Variants in CPT1A observed in about 807,000 individuals in gnomAD.
CPT1A encodes carnitine palmitoyltransferase 1A.
CPT1A carries 64 observed loss-of-function variants against 100.8 expected under a neutral mutation model. That is an observed-to-expected ratio of 0.63 (90% CI 0.52 to 0.78). The LOEUF is 0.78. Ranked by LOEUF, CPT1A falls within the 30% of genes least tolerant of loss-of-function variation. The pLI is 0.00. For synonymous variants in CPT1A, 363 were observed against 396.0 expected (o/e 0.92, Z 0.99); for missense variants, 802 against 1,034.1 (o/e 0.78, Z 3.08).
At chr11:68,771,905 A>C (rs1402832228) in intron 14 of CPT1A, among the ~76,000 whole-genome samples, 7 of 152,192 alleles carry the variant, frequency 4.6e-5, no homozygotes, top group African/African-American at 1.7e-4. Flanking sequence ...GGGACTTGTA[A>C]ATTTTTAAAA....
intron 7 of CPT1A, among the ~76,000 whole-genome samples, chr11:68,795,478 A>G (rs1488749756): frequency 6.6e-6 from 1 of 152,220 alleles, no homozygotes; most frequent in East Asian, 1.9e-4. Flanking sequence ...TCAGATAAAT[A>G]GCTCACTTCC....
At chr11:68,780,311 C>T (rs1855269444) in intron 12 of CPT1A, among the ~76,000 whole-genome samples, 1 of 152,184 alleles carries the variant, frequency 6.6e-6, no homozygotes, top group African/African-American at 2.4e-5. Context: ...GAGACAGAGT[C>T]TCGCTCTGTC....
intron 1 of CPT1A, among the ~76,000 whole-genome samples, chr11:68,824,901 C>A (rs1300885502): frequency 1.3e-5 from 2 of 149,088 alleles, no homozygotes. Context: ...CGGGTTCAAG[C>A]AATTCTCCTG....
In CPT1A at chr11:68,770,059, CA is replaced by C. The variant is rs11423981; in HGVS notation, c.1740+3205del. 8.5e-4 allele frequency among the ~76,000 whole-genome samples: 124 copies of C among 145,478 alleles called. 1 individual carries two copies. Among genetic ancestry groups the C allele is most frequent in the East Asian group, 3.0e-3 (15 of 4,950 alleles). On this transcript the variant is annotated intron_variant, in intron 14 of 18. Transcript: ENST00000265641. Reference sequence around the variant, plus strand: ...TGGGCAACAGAGTAAGGCTCCGTCTCAAAAAAAAAAAAACAGTGTGAACTGG... The same window carrying C: ...TGGGCAACAGAGTAAGGCTCCGTCTCAAAAAAAAAAAACAGTGTGAACTGG...
At chr11:68,843,858 C>G (rs545885280), upstream of CPT1A, among the ~76,000 whole-genome samples, 9 of 152,342 alleles carry the variant, frequency 5.9e-5, no homozygotes, top group South Asian at 1.9e-3. The surrounding 1 kb of genome is among the most constrained non-coding windows in gnomAD (Gnocchi z 4.0). Context: ...CGTGGGCCTT[C>G]GCGGTTTGCA....
chr11:68,802,663 G>C (rs1855934152), intron 5 of CPT1A, among the ~76,000 whole-genome samples: 1 of 151,982 alleles, frequency 6.6e-6, no homozygotes, highest in Admixed American at 6.6e-5. Flanking sequence ...GAACCCAGGA[G>C]GTGGAGCTTG....
intron 5 of CPT1A, among the ~76,000 whole-genome samples, chr11:68,800,587 G>GAA (rs1855881070): frequency 6.6e-6 from 1 of 152,106 alleles, no homozygotes; most frequent in Non-Finnish European, 1.5e-5. Flanking sequence ...GATCACTTGG[G>GAA]CCCAGGAGTT....
chr11:68,786,924 G>A (rs1463782519), intron 9 of CPT1A, among the ~76,000 whole-genome samples: 3 of 152,182 alleles, frequency 2.0e-5, no homozygotes, highest in Admixed American at 6.5e-5. Context: ...GGACCAAACG[G>A]CATTTGAAGC....
In CPT1A at chr11:68,815,380, T is replaced by C; in HGVS notation, c.95A>G (p.Tyr32Cys). ...TTTCCAGGAATGAAGTCCAGAGAGA[T>C]AGATTTGTCTAAGAGCTTCATGGCT... is the stretch of plus-strand genomic sequence containing the variant. ...RLSHEALRQI[Y>C]LSGLHSWKKK... The change falls in exon 2 of 19, where the codon TAT becomes TGT. Residue 32 changes from tyrosine (Y) to cysteine (C), a missense_variant. This residue lies in a region of CPT1A where 161 missense variants were observed against 183.7 expected (regional missense o/e 0.88). Coordinates refer to ENST00000265641, the MANE Select transcript of CPT1A (RefSeq NM_001876.4). 2 of 1,614,124 alleles carry C rather than the reference T, an allele frequency of 1.2e-6. No homozygotes were observed. Among genetic ancestry groups the C allele is most frequent in the South Asian group, 1.1e-5 (1 of 91,090 alleles).
At chr11:68,766,763 C>T (rs971183522) in intron 14 of CPT1A, among the ~76,000 whole-genome samples, 17 of 150,486 alleles carry the variant, frequency 1.1e-4, no homozygotes, top group Non-Finnish European at 1.8e-4. Flanking sequence ...GCTGGGATTA[C>T]AGGCGTCAAC....
intron 7 of CPT1A, among the ~76,000 whole-genome samples, chr11:68,796,488 G>A (rs907204730): frequency 6.6e-6 from 1 of 152,052 alleles, no homozygotes; most frequent in African/African-American, 2.4e-5. Flanking sequence ...CCTGGGAGGC[G>A]GAGGCTGCAG....
At chr11:68,788,239 C>T (rs1164162605) in intron 9 of CPT1A, among the ~76,000 whole-genome samples, 3 of 151,928 alleles carry the variant, frequency 2.0e-5, no homozygotes, top group Non-Finnish European at 2.9e-5. Flanking sequence ...AGAAACAGCT[C>T]GAACAAATGA....
At chr11:68,809,916 G>A (rs747274044) in intron 3 of CPT1A, among the ~76,000 whole-genome samples, 15 of 152,316 alleles carry the variant, frequency 9.8e-5, no homozygotes, top group Non-Finnish European at 2.2e-4. Flanking sequence ...AGTGGCTCAC[G>A]CCTGTAATCC....
At position 68,807,631 on chromosome 11, in the gene CPT1A, T is replaced by A. The variant is rs371587257; in HGVS notation, c.289A>T (p.Met97Leu). 1 of 1,613,902 alleles carries A rather than the reference T, an allele frequency of 6.2e-7. No individual in the cohort carries two copies. The highest frequency in any genetic ancestry group is 8.5e-7 in the Non-Finnish European group (1 of 1,180,044). The change falls in exon 4 of 19, where the codon ATG (methionine) becomes TTG (leucine). Residue 97 changes from methionine (M) to leucine (L), a missense_variant. Transcript: ENST00000265641. ...INRTLETANC[M>L]SSQTKNVVSG... ...ACCACGTTCTTCGTCTGGCTGGACA[T>A]GCAGTTGCTGTGGAGACAGACCCAG... is the stretch of plus-strand genomic sequence containing the variant.
intron 9 of CPT1A, among the ~76,000 whole-genome samples, chr11:68,787,118 T>C (rs145196477): frequency 1.3e-5 from 2 of 152,242 alleles, no homozygotes; most frequent in African/African-American, 4.8e-5. Flanking sequence ...AGAAAACCTA[T>C]CAGCTGTTTA....
At chr11:68,763,048 C>T (rs1214375599) in intron 14 of CPT1A, among the ~76,000 whole-genome samples, 1 of 152,084 alleles carries the variant, frequency 6.6e-6, no homozygotes, top group Non-Finnish European at 1.5e-5. Context: ...CAGGGTTTCA[C>T]CACATTGCCC....
chr11:68,826,124 T>C (rs1856720564), intron 1 of CPT1A, among the ~76,000 whole-genome samples: 1 of 152,172 alleles, frequency 6.6e-6, no homozygotes, highest in Admixed American at 6.5e-5. Flanking sequence ...GTCAGCACGT[T>C]TCCTGCCTTG....
At chr11:68,794,040 G>T (rs1013557716) in intron 8 of CPT1A, among the ~76,000 whole-genome samples, 2 of 152,126 alleles carry the variant, frequency 1.3e-5, no homozygotes, top group Non-Finnish European at 2.9e-5. Flanking sequence ...GCTAGTATTA[G>T]TTCAAAAACA....
At chr11:68,784,509 G>A (rs1855398268) in intron 10 of CPT1A, among the ~76,000 whole-genome samples, 1 of 152,168 alleles carries the variant, frequency 6.6e-6, no homozygotes, top group African/African-American at 2.4e-5. Context: ...ATTCCAGCCT[G>A]GGTGACAGAG....
Sources: gnomAD v4.1 joint callset for allele counts (sites outside exome capture counted in the v4.1 genomes callset) on GRCh38, gnomAD v4.1.1 for gene constraint, gnomAD v4.1.1 regional missense constraint, Gnocchi (gnomAD v3.1) non-coding constraint, MANE v1.5 for transcripts, NCBI Gene and HGNC (gene_info 2026-07-23, HGNC 2026-07-21) for gene names.